Variants in ATG4C observed in about 807,000 individuals in gnomAD.
ATG4C encodes the protein cysteine protease ATG4C.
ATG4C carries 56 observed loss-of-function variants against 57.6 expected under a neutral mutation model. That is an observed-to-expected ratio of 0.97 (90% CI 0.78 to 1.21). The LOEUF is 1.21. Ranked by LOEUF, ATG4C falls within the 50% of genes most tolerant of loss-of-function variation. The pLI is 0.00. For missense variants in ATG4C, 595 were observed against 529.8 expected, an observed-to-expected ratio of 1.12 and a Z score of -1.21; for synonymous variants, 157 against 174.1, an observed-to-expected ratio of 0.90 and a Z score of 0.78.
intron 1 of ATG4C, among the ~76,000 whole-genome samples, chr1:62,789,621 G>C (rs935234393): frequency 6.6e-6 from 1 of 152,006 alleles, no homozygotes; most frequent in Non-Finnish European, 1.5e-5. Context: ...GGACCATCCT[G>C]GCTAACACGG....
At chr1:62,811,015 C>T (rs1002330562) in intron 3 of ATG4C, among the ~76,000 whole-genome samples, 2 of 152,104 alleles carry the variant, frequency 1.3e-5, no homozygotes, top group African/African-American at 4.8e-5. Flanking sequence ...GCTGGAGTCA[C>T]TCATCTCTCA....
chr1:62,855,174 C>T (rs1370350940), intron 10 of ATG4C, among the ~76,000 whole-genome samples: 2 of 152,044 alleles, frequency 1.3e-5, no homozygotes, highest in South Asian at 2.1e-4. Flanking sequence ...CTTTCCATGA[C>T]GTCTTTGGCC....
At chr1:62,789,125 T>TAA (rs972896782) in intron 1 of ATG4C, among the ~76,000 whole-genome samples, 2 of 152,236 alleles carry the variant, frequency 1.3e-5, no homozygotes, top group African/African-American at 4.8e-5. Flanking sequence ...TAGCCATTGA[T>TAA]AAAAGCATTG....
intron 1 of ATG4C, among the ~76,000 whole-genome samples, chr1:62,795,888 A>G (rs899096699): frequency 5.3e-5 from 8 of 152,064 alleles, no homozygotes; most frequent in Admixed American, 5.2e-4. Flanking sequence ...TTTTAAAGAA[A>G]TAATTCATAA....
chr1:62,821,071 A>T, intron 5 of ATG4C, 68 bp from the exon 6 acceptor site: 4 of 1,292,152 alleles, frequency 3.1e-6, no homozygotes, highest in Admixed American at 4.7e-5. Flanking sequence ...TTTCCTTCTT[A>T]AATTAAATAT....
At chr1:62,854,560 A>C (rs1666625198) in intron 10 of ATG4C, among the ~76,000 whole-genome samples, 1 of 152,106 alleles carries the variant, frequency 6.6e-6, no homozygotes, top group Admixed American at 6.5e-5. Context: ...TACAGGCATG[A>C]GCCACCACGT....
At chr1:62,805,117 G>C in intron 2 of ATG4C, 55 bp from the exon 3 acceptor site, 1 of 1,479,304 alleles carries the variant, frequency 6.8e-7, no homozygotes, top group Non-Finnish European at 8.9e-7. Flanking sequence ...TAGACTTTTA[G>C]TCTGAAATCT....
At chr1:62,811,633 C>T (rs1228944059) in intron 3 of ATG4C, among the ~76,000 whole-genome samples, 1 of 152,024 alleles carries the variant, frequency 6.6e-6, no homozygotes, top group African/African-American at 2.4e-5. Flanking sequence ...CTTAGATGAC[C>T]AGGACATGAT....
chr1:62,849,438 AT>A (rs1038845786), intron 10 of ATG4C, among the ~76,000 whole-genome samples: 1 of 151,788 alleles, frequency 6.6e-6, no homozygotes, highest in Admixed American at 6.6e-5. Flanking sequence ...CCTCTCTAAG[AT>A]TTTTATTTCT....
At chr1:62,801,840 C>G (rs1406116688) in intron 1 of ATG4C, among the ~76,000 whole-genome samples, 1 of 149,678 alleles carries the variant, frequency 6.7e-6, no homozygotes, top group Non-Finnish European at 1.5e-5. Context: ...CGCCTGGAGT[C>G]CCAGTTACTC....
chr1:62,865,212 CAG>C lies in ATG4C; in HGVS notation c.*1054_*1055del, dbSNP rs1417743561. On this transcript the variant is annotated 3_prime_UTR_variant, in exon 11 of 11. Transcript: ENST00000317868. Reference sequence around the variant, plus strand: ...ATTTTAATCCTTTCATTTGAAAAATCAGTGTCTCAAATGAATTCTGTTCATTT... The same window carrying C: ...ATTTTAATCCTTTCATTTGAAAAATCTGTCTCAAATGAATTCTGTTCATTT... 6.6e-6 allele frequency: 1 copy of C among 151,880 alleles called. No individual in the cohort carries two copies. The highest frequency in any genetic ancestry group is 1.5e-5 in the Non-Finnish European group (1 of 67,806). 9.4% of individuals were successfully genotyped at this position (151,880 alleles called of 1,614,324 possible).
At position 62,861,437 on chromosome 1, in the gene ATG4C, C is replaced by T. The variant is rs560024904; in HGVS notation, c.1210-2555C>T. ...GCACATACCTGTAGTCCCAGCTACT[C>T]GGGAGCCTGAAGTAGAAGGATCATT... On this transcript the variant is annotated intron_variant, in intron 10 of 10. Transcript: ENST00000317868. 8.6e-4 allele frequency among the ~76,000 whole-genome samples: 131 copies of T among 151,904 alleles called. 2 individuals carry two copies. The South Asian group carries it at 0.011, about 13-fold the overall frequency.
chr1:62,829,941 A>C (rs1336193207), intron 7 of ATG4C, among the ~76,000 whole-genome samples: 1 of 152,102 alleles, frequency 6.6e-6, no homozygotes, highest in South Asian at 2.1e-4. Context: ...GGGATATAGT[A>C]ATGTTGAAAT....
At position 62,829,148 on chromosome 1, in the gene ATG4C, C is replaced by T; in HGVS notation, c.905C>T (p.Thr302Ile). The T allele has an allele frequency of 1.2e-6, 2 of 1,612,984 alleles. No individual in the cohort carries two copies. Among genetic ancestry groups the T allele is most frequent in the Non-Finnish European group, 1.7e-6 (2 of 1,179,326 alleles). ...CCTGTTAGACTTGGTGGAGAAAGAA[C>T]CAACACCGACTACTTAGAATTTGTG... is the stretch of plus-strand genomic sequence containing the variant. ...LVPVRLGGERTNTDYLEFVKG... is the reference protein window; with the variant it reads ...LVPVRLGGERINTDYLEFVKG... The change falls in exon 7 of 11, where the codon ACC becomes ATC. Residue 302 changes from threonine to isoleucine, a missense_variant. Physicochemically the swap from Thr to Ile is moderately conservative, Grantham distance 89. Coordinates refer to ENST00000317868, the MANE Select transcript of ATG4C (RefSeq NM_032852.4).
At chr1:62,848,650 T>G (rs1666399615) in intron 10 of ATG4C, among the ~76,000 whole-genome samples, 1 of 152,196 alleles carries the variant, frequency 6.6e-6, no homozygotes, top group Admixed American at 6.5e-5. Context: ...CTTGAATAGT[T>G]GAGTGTGCAC....
chr1:62,815,841 T>C (rs1361733958), intron 3 of ATG4C, among the ~76,000 whole-genome samples: 1 of 152,178 alleles, frequency 6.6e-6, no homozygotes, highest in Non-Finnish European at 1.5e-5. Context: ...CCTGCCACCA[T>C]GCCTGGTTAA....
At chr1:62,787,597 T>C (rs903364518) in intron 1 of ATG4C, among the ~76,000 whole-genome samples, 11 of 152,194 alleles carry the variant, frequency 7.2e-5, no homozygotes, top group Admixed American at 5.9e-4. Flanking sequence ...ATTTTACATT[T>C]CTTAGTAAAG....
chr1:62,850,852 A>ATGTATGTATG (rs1553230139), intron 10 of ATG4C, among the ~76,000 whole-genome samples: 1 of 94,658 alleles, frequency 1.1e-5, no homozygotes, highest in African/African-American at 3.7e-5. Context: ...GTGTGTATGT[A>ATGTATGTATG]TGTATATATA....
chr1:62,822,271 A>G (rs1010202733), intron 6 of ATG4C, among the ~76,000 whole-genome samples: 2 of 152,190 alleles, frequency 1.3e-5, no homozygotes, highest in African/African-American at 4.8e-5. Context: ...CCAAATATTC[A>G]TGCGTTTTTG....
Sources: allele counts gnomAD v4.1 joint callset (sites outside exome capture counted in the v4.1 genomes callset), GRCh38; gene constraint gnomAD v4.1.1; transcripts MANE v1.5; gene names NCBI Gene and HGNC (gene_info 2026-07-23, HGNC 2026-07-21).